Variants in SMARCC1 observed in about 807,000 individuals in gnomAD.
The protein encoded by SMARCC1 is SWI/SNF complex subunit SMARCC1.
A neutral mutation model predicts 147.4 loss-of-function variants in SMARCC1; 43 were observed. That is an observed-to-expected ratio of 0.29 (90% CI 0.23 to 0.38). SMARCC1 has a LOEUF of 0.38. Among genes scored for constraint, SMARCC1 ranks in the 10% least tolerant of loss-of-function variants. SMARCC1 has a pLI of 1.00. For missense variants in SMARCC1, 1,119 were observed against 1,381.1 expected, an observed-to-expected ratio of 0.81 and a Z score of 3.01; for synonymous variants, 495 against 484.4, an observed-to-expected ratio of 1.02 and a Z score of -0.29.
intron 2 of SMARCC1, among the ~76,000 whole-genome samples, chr3:47,770,971 C>T (rs994885850): frequency 1.9e-4 from 29 of 152,058 alleles, no homozygotes; most frequent in Admixed American, 1.3e-4. Flanking sequence ...GAGGCAGTGG[C>T]GCAATCTCGG....
rs144848409 is a variant in SMARCC1, at chr3:47,770,053, G to A, written c.315+2764C>T. ...ATCCTAGCTAACACAGTGAAACCCC[G>A]TCTCTACTAAAAATACAAAAAAAAA... On this transcript the variant is annotated intron_variant, in intron 2 of 27. Transcript: ENST00000254480. 5.6e-3 allele frequency among the ~76,000 whole-genome samples: 848 copies of A among 151,624 alleles called. 9 individuals carry two copies. The highest frequency in any genetic ancestry group is 0.018 in the African/African-American group (735 of 41,342).
At chr3:47,771,659 G>C (rs999685308) in intron 2 of SMARCC1, among the ~76,000 whole-genome samples, 2 of 152,214 alleles carry the variant, frequency 1.3e-5, no homozygotes, top group South Asian at 4.2e-4. Context: ...CAGGAGAATC[G>C]CTTGAACCCG....
chr3:47,731,648 T>C (rs2034375748), intron 5 of SMARCC1, among the ~76,000 whole-genome samples: 1 of 152,242 alleles, frequency 6.6e-6, no homozygotes, highest in South Asian at 2.1e-4. Context: ...TGTGTTACTA[T>C]GCATGGAAAT....
intron 5 of SMARCC1, 61 bp from the exon 6 acceptor site, chr3:47,729,155 C>A: frequency 1.0e-6 from 1 of 998,018 alleles, no homozygotes; most frequent in South Asian, 1.5e-5. Context: ...CTATGAGATT[C>A]CAGATACAAA....
At chr3:47,675,758 C>T (rs2033562625) in intron 17 of SMARCC1, among the ~76,000 whole-genome samples, 170 bp from the exon 18 acceptor site, 1 of 151,994 alleles carries the variant, frequency 6.6e-6, no homozygotes, top group African/African-American at 2.4e-5. Flanking sequence ...CCAGCCTGAC[C>T]AACGTGGTGA....
intron 7 of SMARCC1, among the ~76,000 whole-genome samples, chr3:47,716,468 T>C (rs1250103865): frequency 6.7e-6 from 1 of 148,832 alleles, no homozygotes; most frequent in African/African-American, 2.5e-5. Flanking sequence ...CAGTCTTGAT[T>C]AGAAATTGAA....
At chr3:47,685,719 C>T (rs767704289) in intron 14 of SMARCC1, among the ~76,000 whole-genome samples, 7 of 151,846 alleles carry the variant, frequency 4.6e-5, no homozygotes, top group African/African-American at 9.7e-5. Context: ...TAGCCTGGCA[C>T]GGCGGCGGGA....
intron 24 of SMARCC1, among the ~76,000 whole-genome samples, chr3:47,630,469 T>C (rs1009020003): frequency 6.6e-6 from 1 of 152,128 alleles, no homozygotes; most frequent in African/African-American, 2.4e-5. Context: ...CAACTGGAGA[T>C]AAATGATTAA....
chr3:47,647,221 G>C (rs950400935), intron 21 of SMARCC1, among the ~76,000 whole-genome samples: 6 of 152,096 alleles, frequency 3.9e-5, no homozygotes, highest in Non-Finnish European at 8.8e-5. Flanking sequence ...TTTGACTCAT[G>C]GTGTTTCAGC....
At chr3:47,628,306 C>T (rs190471651) in intron 24 of SMARCC1, among the ~76,000 whole-genome samples, 32 of 152,252 alleles carry the variant, frequency 2.1e-4, no homozygotes, top group Non-Finnish European at 3.7e-4. Flanking sequence ...TTGTTTCTAA[C>T]CACTGTCCCT....
chr3:47,649,787 A>C (rs981972684), intron 21 of SMARCC1, among the ~76,000 whole-genome samples: 3 of 152,182 alleles, frequency 2.0e-5, no homozygotes, highest in Non-Finnish European at 4.4e-5. Context: ...ACAATAAAAG[A>C]TTTTTGAGAA....
At chr3:47,745,827 C>G in intron 3 of SMARCC1, 81 bp downstream of exon 3, 3 of 801,174 alleles carry the variant, frequency 3.7e-6, no homozygotes, top group East Asian at 2.8e-5. Context: ...CATGTGCTTA[C>G]AGGATTTTCT....
intron 26 of SMARCC1, among the ~76,000 whole-genome samples, chr3:47,596,461 G>A (rs2032283492): frequency 6.6e-6 from 1 of 151,876 alleles, no homozygotes; most frequent in Non-Finnish European, 1.5e-5. Flanking sequence ...CTAGCTACTC[G>A]GGAGGCTGAG....
chr3:47,677,290 G>C (rs1284665962), intron 16 of SMARCC1, among the ~76,000 whole-genome samples: 1 of 151,908 alleles, frequency 6.6e-6, no homozygotes, highest in Non-Finnish European at 1.5e-5. Context: ...TAGTAGAAAT[G>C]GGTTTTCGCC....
At chr3:47,637,580 C>T (rs888501339) in intron 22 of SMARCC1, among the ~76,000 whole-genome samples, 8 of 152,038 alleles carry the variant, frequency 5.3e-5, no homozygotes, top group Non-Finnish European at 1.2e-4. Context: ...GATGTGGTGG[C>T]GCGTGGCTGT....
chr3:47,777,260 T>A (rs541185944), intron 1 of SMARCC1, among the ~76,000 whole-genome samples: 1 of 150,412 alleles, frequency 6.6e-6, no homozygotes, highest in African/African-American at 2.4e-5. Flanking sequence ...TTTTTGTATT[T>A]TTGGTAGAGA....
chr3:47,604,926 C>T (rs1324154710), intron 26 of SMARCC1, among the ~76,000 whole-genome samples: 1 of 152,136 alleles, frequency 6.6e-6, no homozygotes, highest in Admixed American at 6.5e-5. Context: ...GTCTTGAATT[C>T]CTGGCCTCAA....
chr3:47,669,671 G>T (rs1230387986), intron 19 of SMARCC1, among the ~76,000 whole-genome samples: 1 of 152,016 alleles, frequency 6.6e-6, no homozygotes, highest in Middle Eastern at 3.2e-3. Flanking sequence ...TTTTGATTTT[G>T]ATCACAACAG....
At chr3:47,707,060 C>T (rs568057422) in intron 9 of SMARCC1, among the ~76,000 whole-genome samples, 65 of 152,310 alleles carry the variant, frequency 4.3e-4, no homozygotes, top group Admixed American at 2.4e-3. Flanking sequence ...CCTGTAATCT[C>T]AGCACTTTGG....
Sources: allele counts gnomAD v4.1 joint callset (sites outside exome capture counted in the v4.1 genomes callset), GRCh38; gene constraint gnomAD v4.1.1; transcripts MANE v1.5; gene names NCBI Gene and HGNC (gene_info 2026-07-23, HGNC 2026-07-21).